USP20: variants seen among roughly 807,000 people sequenced by gnomAD.
USP20 encodes ubiquitin specific peptidase 20, also known as ubiquitin carboxyl-terminal hydrolase 20.
USP20 carries 80 observed loss-of-function variants against 124.2 expected under a neutral mutation model. That is an observed-to-expected ratio of 0.64 (90% confidence interval 0.54 to 0.78). The LOEUF (loss-of-function observed/expected upper bound fraction) is 0.78. Ranked by LOEUF, USP20 falls within the 30% of genes least tolerant of loss-of-function variation. The pLI, the probability that USP20 is intolerant of heterozygous loss-of-function variation, is 0.00. For missense variants in USP20, 1,043 were observed against 1,244.4 expected, an observed-to-expected ratio of 0.84 and a Z score of 2.44; for synonymous variants, 481 against 512.3, an observed-to-expected ratio of 0.94 and a Z score of 0.83.
At chr9:129,875,265 T>C (rs2034333791) in intron 19 of USP20, 45 bp from the exon 20 acceptor site, 1 of 1,545,612 alleles carries the variant, frequency 6.5e-7, no homozygotes, top group African/African-American at 1.4e-5. Context: ...TGTCTGAAGG[T>C]GGCAGCCGTC....
chr9:129,844,630 A>C (rs2032430843), intron 1 of USP20, among the ~76,000 whole-genome samples: 1 of 112,500 alleles, frequency 8.9e-6, no homozygotes. Flanking sequence ...TCTCAAAAAA[A>C]AAAAAAAAAA....
At chr9:129,858,353 C>A in intron 5 of USP20, 114 bp from the exon 6 acceptor site, 1 of 1,501,918 alleles carries the variant, frequency 6.7e-7, no homozygotes, top group Non-Finnish European at 9.1e-7. Context: ...AGCTTCCGGC[C>A]TCTGTCCTGA....
intron 3 of USP20, among the ~76,000 whole-genome samples, chr9:129,854,368 G>A (rs147540209): frequency 6.6e-6 from 1 of 152,296 alleles, no homozygotes; most frequent in Non-Finnish European, 1.5e-5. Context: ...AGAAAGGAAT[G>A]GGGGAATCAA....
At chr9:129,846,869 C>T (rs1278350339) in intron 1 of USP20, among the ~76,000 whole-genome samples, 3 of 152,074 alleles carry the variant, frequency 2.0e-5, no homozygotes, top group Non-Finnish European at 4.4e-5. Context: ...TCAAGTGATC[C>T]GCCTGCCTCA....
At chr9:129,847,341 C>T (rs576015503) in intron 1 of USP20, among the ~76,000 whole-genome samples, 5 of 147,184 alleles carry the variant, frequency 3.4e-5, no homozygotes, top group African/African-American at 1.3e-4. Context: ...CTTGCTCTGT[C>T]GCCCAGGCTG....
At chr9:129,848,127 T>TGC (rs2032691426) in intron 1 of USP20, among the ~76,000 whole-genome samples, 3 of 151,982 alleles carry the variant, frequency 2.0e-5, no homozygotes, top group Admixed American at 6.5e-5. Context: ...AGAAACTCCA[T>TGC]CTCTACTAAA....
At position 129,880,538 on chromosome 9, in the gene USP20, C is replaced by T. The variant is rs1490500254; in HGVS notation, c.*88C>T. On this transcript the variant is annotated 3_prime_UTR_variant, in exon 26 of 26. Coordinates refer to ENST00000372429, the MANE Select transcript of USP20 (RefSeq NM_001110303.4). ...AGGCCGGGCTGCTGCAGAACCCCGC[C>T]GTGTAAAGAGGCAGAAAAGTTGGTT... is the stretch of plus-strand genomic sequence containing the variant. 5 of 479,006 alleles carry T rather than the reference C, an allele frequency of 1.0e-5. No homozygotes were observed. Among genetic ancestry groups the T allele is most frequent in the South Asian group, 3.2e-5 (1 of 30,854 alleles). 29.7% of individuals were successfully genotyped at this position (479,006 alleles called of 1,614,324 possible). A position where few individuals can be genotyped will look rare whatever the true frequency, so the allele number is the denominator to read the frequency against.
At position 129,857,900 on chromosome 9, in the gene USP20, CCGTGTTCCTTTGAGAT is replaced by C. The variant is rs2033297383; in HGVS notation, c.136-149_136-134del. 5.6e-6 allele frequency: 4 copies of C among 715,742 alleles called. No homozygotes were observed. The Admixed American group carries it at 8.1e-5, about 14-fold the overall frequency. The allele number at this position is 715,742 out of a possible 1,614,324, so 44.3% of individuals were successfully genotyped here. A position where few individuals can be genotyped will look rare whatever the true frequency, so the allele number is the denominator to read the frequency against. On this transcript the variant is annotated intron_variant, in intron 4 of 25. Transcript: ENST00000372429. The stretch of plus-strand genomic sequence containing the variant: ...ACTTCAGGTGTACAGACCTACAGAC[CCGTGTTCCTTTGAGAT>C]GGCAGAGCCTCAGTCCCTTGTGGCC...
chr9:129,842,315 C>T (rs1205967270), intron 1 of USP20, among the ~76,000 whole-genome samples: 1 of 152,118 alleles, frequency 6.6e-6, no homozygotes, highest in Non-Finnish European at 1.5e-5. Context: ...AGCAGCTAAC[C>T]CTCAGTGAGT....
chr9:129,846,260 T>G (rs1564197272), intron 1 of USP20, among the ~76,000 whole-genome samples: 1 of 124,544 alleles, frequency 8.0e-6, no homozygotes, highest in African/African-American at 3.0e-5. Flanking sequence ...TTTTTTTTTT[T>G]TTTTTTTTTT....
chr9:129,877,738 T>C (rs2034467881), intron 22 of USP20, among the ~76,000 whole-genome samples: 1 of 151,708 alleles, frequency 6.6e-6, no homozygotes, highest in Non-Finnish European at 1.5e-5. Context: ...GAGAGCTGCC[T>C]CTCTGAGCAG....
rs141840203 is a variant in USP20 at position 129,879,556 on chromosome 9, C to T, written c.2513-17C>T. Reference sequence around the variant, plus strand: ...GCATGGCAGGGGCTGAACCCGAGCCCGCTGTGTCTGTTGCAGAGCCCCCCG... The same window carrying T: ...GCATGGCAGGGGCTGAACCCGAGCCTGCTGTGTCTGTTGCAGAGCCCCCCG... On this transcript the variant is annotated splice_polypyrimidine_tract_variant and intron_variant, in intron 23 of 25. Transcript: ENST00000372429. This position sits in a 1 kb window ranked among gnomAD's most constrained non-coding sequence, Gnocchi z 4.2. The T allele has an allele frequency of 6.0e-4, 967 of 1,612,848 alleles. 9 individuals are homozygous for T. In the African/African-American group the frequency reaches 9.7e-3, roughly 16 times the overall value.
At chr9:129,872,007 C>A (rs1054687773) in intron 15 of USP20, among the ~76,000 whole-genome samples, 1 of 152,028 alleles carries the variant, frequency 6.6e-6, no homozygotes, top group African/African-American at 2.4e-5. Context: ...TGAGCCACCG[C>A]ACCCAGCCTC....
intron 22 of USP20, among the ~76,000 whole-genome samples, chr9:129,878,006 A>G (rs1415602093): frequency 7.2e-5 from 11 of 152,112 alleles, no homozygotes; most frequent in Non-Finnish European, 1.3e-4. Context: ...TGGGAGGCAG[A>G]GGTTGCAGTA....
chr9:129,875,283 G>T, intron 19 of USP20, 27 bp from the exon 20 acceptor site: 6 of 1,578,942 alleles, frequency 3.8e-6, no homozygotes, highest in Non-Finnish European at 4.3e-6. Flanking sequence ...GTCAGGCACA[G>T]CTTCTCGCCC....
In USP20 at chr9:129,875,390, T is replaced by C; in HGVS notation, c.2129T>C (p.Phe710Ser). ...AAMREPSLLR[F>S]YVSREWLNKF... Reference sequence around the variant, plus strand: ...ATGCGGGAGCCCAGCCTGCTGCGGTTCTACGTGTCCCGCGAGTGGCTCAAC... The same window carrying C: ...ATGCGGGAGCCCAGCCTGCTGCGGTCCTACGTGTCCCGCGAGTGGCTCAAC... Residue 710 changes from phenylalanine (F) to serine (S), a missense_variant, in exon 20 of 26, where the codon TTC (phenylalanine) becomes TCC (serine). By Grantham distance (155) the Phe-to-Ser change is radical (BLOSUM62 -2). Transcript: ENST00000372429. 1 of 1,613,522 alleles carries C rather than the reference T, an allele frequency of 6.2e-7. No homozygotes were observed. Among genetic ancestry groups the C allele is most frequent in the Non-Finnish European group, 8.5e-7 (1 of 1,179,964 alleles).
Position 129,868,273 on chromosome 9 carries a change from C to T in USP20, c.959C>T (p.Ala320Val). The stretch of plus-strand genomic sequence containing the variant: ...CTGATCCCAGATGAGGCGGGCCGAG[C>T]CATCTCTGAGAAGGAGCGGATGAAG... ...ELLIPDEAGR[A>V]ISEKERMKDR... The change falls in exon 11 of 26, where the codon GCC becomes GTC. Residue 320 changes from alanine to valine, a missense_variant. By Grantham distance (64) the Ala-to-Val change is moderately conservative. Transcript: ENST00000372429. 1.2e-6 allele frequency: 2 copies of T among 1,613,988 alleles called. No individual in the cohort carries two copies. Among genetic ancestry groups the T allele is most frequent in the Non-Finnish European group, 1.7e-6 (2 of 1,179,942 alleles).
intron 1 of USP20, among the ~76,000 whole-genome samples, chr9:129,840,389 C>T (rs1472940830): frequency 2.6e-5 from 4 of 152,078 alleles, no homozygotes; most frequent in Admixed American, 6.6e-5. Context: ...GAACAAAGCC[C>T]TGGGTACCAG....
At chr9:129,843,198 A>G (rs2032333275) in intron 1 of USP20, among the ~76,000 whole-genome samples, 1 of 150,768 alleles carries the variant, frequency 6.6e-6, no homozygotes, top group South Asian at 2.1e-4. Flanking sequence ...GGGAGGCCGC[A>G]GTGGACAGAT....
Sources: gnomAD v4.1 joint callset for allele counts (sites outside exome capture counted in the v4.1 genomes callset) on GRCh38, gnomAD v4.1.1 for gene constraint, Gnocchi (gnomAD v3.1) non-coding constraint, MANE v1.5 for transcripts, NCBI Gene and HGNC (gene_info 2026-07-23, HGNC 2026-07-21) for gene names.